Variants in SLC24A3 observed in about 807,000 individuals in gnomAD.
The protein encoded by SLC24A3 is solute carrier family 24 member 3, also known as sodium/potassium/calcium exchanger 3.
SLC24A3 carries 28 observed loss-of-function variants against 75.8 expected under a neutral mutation model. The ratio of observed to expected loss-of-function variants is 0.37; its 90% CI spans 0.27 to 0.51. The LOEUF (loss-of-function observed/expected upper bound fraction) is 0.51. Ranked by LOEUF, SLC24A3 falls within the 20% of genes least tolerant of loss-of-function variation. The probability of loss-of-function intolerance (pLI) is 0.94; values close to 1 mark genes in which losing one functional copy is unlikely to be tolerated. For synonymous variants in SLC24A3, 372 were observed against 334.1 expected, an observed-to-expected ratio of 1.11 and a Z score of -1.24; for missense variants, 663 against 847.8, an observed-to-expected ratio of 0.78 and a Z score of 2.71.
chr20:19,401,867 G>A (rs920306757), intron 2 of SLC24A3, among the ~76,000 whole-genome samples: 21 of 152,174 alleles, frequency 1.4e-4, no homozygotes, highest in Admixed American at 3.9e-4. Flanking sequence ...GAATTCACTC[G>A]TGGGATTGAG....
intron 2 of SLC24A3, among the ~76,000 whole-genome samples, chr20:19,488,525 G>A (rs1197390633): frequency 2.0e-5 from 3 of 152,098 alleles, no homozygotes; most frequent in East Asian, 3.9e-4. Context: ...ACAACCTTCT[G>A]GAGGGATAAA....
At chr20:19,605,338 TA>T (rs1167271671) in intron 6 of SLC24A3, among the ~76,000 whole-genome samples, 1 of 149,752 alleles carries the variant, frequency 6.7e-6, no homozygotes, top group Non-Finnish European at 1.5e-5. Context: ...ATTTTTTTTT[TA>T]ATCACTTACA....
chr20:19,462,923 A>G (rs894369408), intron 2 of SLC24A3, among the ~76,000 whole-genome samples: 3 of 152,184 alleles, frequency 2.0e-5, no homozygotes, highest in Non-Finnish European at 4.4e-5. Flanking sequence ...TCAAATTTTC[A>G]CAGGTCATAG....
chr20:19,212,715 C>CT lies in SLC24A3; in HGVS notation c.-128_-127insT. On this transcript the variant is annotated 5_prime_UTR_variant, in exon 1 of 17. Coordinates refer to ENST00000328041, the MANE Select transcript of SLC24A3 (RefSeq NM_020689.4). Reference sequence around the variant, plus strand: ...GAGGAAGAGGAGGCGGAGGCGGCGGCCGGGTGGGAGCGCAGCGAGGACGCG... The same window carrying CT: ...GAGGAAGAGGAGGCGGAGGCGGCGGCTCGGGTGGGAGCGCAGCGAGGACGCG... 1 of 728,732 alleles carries CT rather than the reference C, an allele frequency of 1.4e-6. No individual in the cohort carries two copies. The highest frequency in any genetic ancestry group is 1.7e-6 in the Non-Finnish European group (1 of 597,126). 45.1% of individuals were successfully genotyped at this position (728,732 alleles called of 1,614,324 possible). A position where few individuals can be genotyped will look rare whatever the true frequency, so the allele number is the denominator to read the frequency against.
intron 2 of SLC24A3, among the ~76,000 whole-genome samples, chr20:19,461,097 A>G (rs760815172): frequency 4.5e-4 from 69 of 152,320 alleles, no homozygotes; most frequent in Non-Finnish European, 9.4e-4. Flanking sequence ...ACGGACTTCC[A>G]TATCTGGAGA....
intron 2 of SLC24A3, among the ~76,000 whole-genome samples, chr20:19,300,286 C>T (rs904098040): frequency 5.3e-5 from 8 of 152,160 alleles, no homozygotes; most frequent in Non-Finnish European, 8.8e-5. Context: ...ATACAGCTTC[C>T]ACCCAGCTCT....
In SLC24A3 at chr20:19,684,281, G is replaced by A. The variant is rs779027207; in HGVS notation, c.1007G>A (p.Ser336Asn). ...GCTGGCCTTCGAATCATGATAACCA[G>A]CCACTTTCCCCCCAAGACCCGGCTC... ...SEAGLRIMIT[S>N]HFPPKTRLSM... Residue 336 changes from serine to asparagine, a missense_variant, in exon 11 of 17, where the codon AGC becomes AAC. Transcript: ENST00000328041. 6.2e-7 allele frequency: 1 copy of A among 1,614,038 alleles called. No individual in the cohort carries two copies. The highest frequency in any genetic ancestry group is 1.1e-5 in the South Asian group (1 of 91,070).
At chr20:19,314,277 A>ATTTTAT (rs150144853) in intron 2 of SLC24A3, among the ~76,000 whole-genome samples, 25 of 126,442 alleles carry the variant, frequency 2.0e-4, no homozygotes, top group Admixed American at 1.4e-3. Context: ...GTTTTTATTT[A>ATTTTAT]TTTATTTTAT....
chr20:19,583,168 G>A (rs990142305), intron 4 of SLC24A3, among the ~76,000 whole-genome samples: 6 of 152,132 alleles, frequency 3.9e-5, no homozygotes, highest in Non-Finnish European at 7.3e-5. Context: ...GGAAGTGGCG[G>A]GGAATTGGCA....
intron 1 of SLC24A3, among the ~76,000 whole-genome samples, chr20:19,240,632 T>C (rs1338090395): frequency 6.6e-6 from 1 of 152,122 alleles, no homozygotes; most frequent in Admixed American, 6.5e-5. Context: ...TTAGTGAGCC[T>C]GATTTGTGGG....
At chr20:19,701,931 GA>G (rs953539280) in intron 15 of SLC24A3, among the ~76,000 whole-genome samples, 16 of 152,192 alleles carry the variant, frequency 1.1e-4, no homozygotes, top group African/African-American at 3.4e-4. Flanking sequence ...CAGGAGCAGA[GA>G]ATGAGAAACT....
At chr20:19,614,485 C>T (rs1265494854) in intron 6 of SLC24A3, among the ~76,000 whole-genome samples, 1 of 152,232 alleles carries the variant, frequency 6.6e-6, no homozygotes, top group Non-Finnish European at 1.5e-5. Context: ...CCCATTGATT[C>T]TCCTTCCTCC....
rs368596537 is a variant in SLC24A3, at chr20:19,276,414, C to T, written c.143-4545C>T. Among the ~76,000 whole-genome samples the T allele has an allele frequency of 2.1e-3, 320 of 152,238 alleles. 9 individuals carry two copies. The South Asian group carries it at 0.06, about 28-fold the overall frequency. ...ATGTTCTGAGAAATGCACTGTTAGG[C>T]GATTTTGTTCTTGTACCAACATCAC... On this transcript the variant is annotated intron_variant, in intron 1 of 16. Transcript: ENST00000328041.
Position 19,464,390 on chromosome 20 carries a change from T to TAC in SLC24A3, c.272-51086_272-51085dup, listed in dbSNP as rs530091123. Among the ~76,000 whole-genome samples, 17 of 122,258 alleles carry TAC rather than the reference T, an allele frequency of 1.4e-4. No individual in the cohort carries two copies. In the East Asian group the frequency reaches 3.4e-3, roughly 24 times the overall value. The allele number at this position is 122,258 out of a possible 152,430, so 80.2% of individuals were successfully genotyped here. The stretch of plus-strand genomic sequence containing the variant: ...ACACACATACGTGCGCACACGTGTG[T>TAC]ACACACACACACATGCACACACACA... On this transcript the variant is annotated intron_variant, in intron 2 of 16. Transcript: ENST00000328041.
At position 19,218,993 on chromosome 20, in the gene SLC24A3, C is replaced by T. The variant is rs186527254; in HGVS notation, c.142+6009C>T. On this transcript the variant is annotated intron_variant, in intron 1 of 16. Coordinates refer to ENST00000328041, the MANE Select transcript of SLC24A3 (RefSeq NM_020689.4). ...GTAATTTGGATTTTTTTTTTCTGGT[C>T]CATTTTTGCCTTCTTTTTCTATAGA... 2.1e-3 allele frequency among the ~76,000 whole-genome samples: 312 copies of T among 151,720 alleles called. 1 individual carries two copies. Among genetic ancestry groups the T allele is most frequent in the African/African-American group, 7.4e-3 (304 of 41,324 alleles).
At chr20:19,543,560 G>A (rs1202476327) in intron 3 of SLC24A3, among the ~76,000 whole-genome samples, 1 of 152,126 alleles carries the variant, frequency 6.6e-6, no homozygotes, top group Non-Finnish European at 1.5e-5. Context: ...GGGGAGGGAG[G>A]CCAACCTGCG....
chr20:19,664,963 T>A (rs2032380350), intron 7 of SLC24A3, among the ~76,000 whole-genome samples: 1 of 152,208 alleles, frequency 6.6e-6, no homozygotes, highest in Non-Finnish European at 1.5e-5. Flanking sequence ...GGAAAATTAC[T>A]TATGTTCTCT....
intron 3 of SLC24A3, among the ~76,000 whole-genome samples, chr20:19,559,614 C>T (rs936888015): frequency 6.6e-6 from 1 of 152,096 alleles, no homozygotes; most frequent in Non-Finnish European, 1.5e-5. Flanking sequence ...AGAGGACTTT[C>T]AAGTGGCAAC....
intron 6 of SLC24A3, among the ~76,000 whole-genome samples, chr20:19,622,050 T>A (rs981100701): frequency 9.9e-5 from 15 of 152,130 alleles, no homozygotes; most frequent in Non-Finnish European, 1.9e-4. Context: ...TTAGGGAGTT[T>A]TTGTGCACTT....
Sources: allele counts gnomAD v4.1 joint callset (sites outside exome capture counted in the v4.1 genomes callset), GRCh38; gene constraint gnomAD v4.1.1; transcripts MANE v1.5; gene names NCBI Gene and HGNC (gene_info 2026-07-23, HGNC 2026-07-21).